Variants in ABCC12 observed in about 807,000 individuals in gnomAD.
ABCC12 encodes ATP-binding cassette sub-family C member 12.
ABCC12 carries 142 observed loss-of-function variants against 151.1 expected under a neutral mutation model. The observed-to-expected ratio is 0.94, with a 90% CI of 0.82 to 1.08. The LOEUF is 1.08. ABCC12 is among the 50% of genes least tolerant of loss of function. ABCC12 has a pLI of 0.00. For synonymous variants in ABCC12, 645 were observed against 646.4 expected (o/e 1.00, Z 0.03); for missense variants, 1,638 against 1,691.1 (o/e 0.97, Z 0.55).
At chr16:48,140,616 T>A in intron 6 of ABCC12, 71 bp downstream of exon 6, 1 of 1,424,806 alleles carries the variant, frequency 7.0e-7, no homozygotes, top group Non-Finnish European at 9.8e-7. Context: ...CCACTCAGGA[T>A]CCACATCTCA....
Position 48,121,835 on chromosome 16 carries a change from C to T in ABCC12, c.1593G>A (p.Gln531=). 1 of 1,614,176 alleles carries T rather than the reference C, an allele frequency of 6.2e-7. No homozygotes were observed. Among genetic ancestry groups the T allele is most frequent in the South Asian group, 1.1e-5 (1 of 91,066 alleles). ...SLLAALLGQM[Q]LQKGVVAVNG... ...TGACTGCCACCACCCCTTTCTGCAGCTGCATCTGGAACAACAAGACGGGAG... is the reference window on the plus strand; with the variant it reads ...TGACTGCCACCACCCCTTTCTGCAGTTGCATCTGGAACAACAAGACGGGAG... Residue 531 remains glutamine, a synonymous_variant, in exon 13 of 31, where the codon CAG becomes CAA. Coordinates refer to ENST00000311303, the MANE Select transcript of ABCC12 (RefSeq NM_001393797.1).
intron 25 of ABCC12, among the ~76,000 whole-genome samples, chr16:48,089,093 G>T (rs1962765222): frequency 1.3e-5 from 2 of 152,214 alleles, no homozygotes; most frequent in Admixed American, 6.5e-5. Flanking sequence ...AGAGAATCAA[G>T]TCCAGAGCCC....
intron 10 of ABCC12, among the ~76,000 whole-genome samples, chr16:48,130,095 G>A (rs1804969832): frequency 6.6e-6 from 1 of 152,242 alleles, no homozygotes; most frequent in Admixed American, 6.5e-5. Flanking sequence ...GGGTGAGTAA[G>A]ATCATTCAAT....
intron 19 of ABCC12, 140 bp from the exon 20 acceptor site, chr16:48,107,565 C>A: frequency 1.5e-6 from 1 of 672,660 alleles, no homozygotes; most frequent in Non-Finnish European, 2.6e-6. Flanking sequence ...ACCTGCTAGA[C>A]TGATGCAGCA....
In ABCC12 at chr16:48,084,021, A is replaced by C. The variant is rs1404075403; in HGVS notation, c.3881T>G (p.Leu1294Arg). The change falls in exon 30 of 31, where the codon CTG becomes CGG. Residue 1294 changes from leucine to arginine, a missense_variant. Physicochemically the swap from Leu to Arg is moderately radical, Grantham distance 102 (BLOSUM62 -2). Transcript: ENST00000311303. The stretch of plus-strand genomic sequence containing the variant: ...GGCATCTTTGATGGTGTTCTGAACC[A>C]GGGTGTCAGTCTTGGAGTCCATAGA... ...TASMDSKTDT[L>R]VQNTIKDAFK... 1 of 1,612,708 alleles carries C rather than the reference A, an allele frequency of 6.2e-7. No homozygotes were observed. The highest frequency in any genetic ancestry group is 1.1e-5 in the South Asian group (1 of 90,576).
Position 48,107,302 on chromosome 16 carries a change from A to G in ABCC12, c.2475+20T>C. On this transcript the variant is annotated intron_variant, in intron 20 of 30. Coordinates refer to ENST00000311303, the MANE Select transcript of ABCC12 (RefSeq NM_001393797.1). ...CCAAGACACAGACTCGGCATCTTCC[A>G]ATGCCAAAGGGAAACTCACCCGTGA... is the stretch of plus-strand genomic sequence containing the variant. 2 of 1,606,722 alleles carry G rather than the reference A, an allele frequency of 1.2e-6. No homozygotes were observed. The highest frequency in any genetic ancestry group is 1.3e-5 in the African/African-American group (1 of 74,860).
intron 24 of ABCC12, among the ~76,000 whole-genome samples, chr16:48,093,342 T>C (rs1397340491): frequency 6.6e-6 from 1 of 152,104 alleles, no homozygotes; most frequent in Admixed American, 6.5e-5. Flanking sequence ...TCCTCAAACA[T>C]GCCAGGATCA....
intron 7 of ABCC12, 119 bp downstream of exon 7, chr16:48,139,044 T>C (rs1964708642): frequency 8.5e-7 from 1 of 1,172,688 alleles, no homozygotes; most frequent in African/African-American, 1.5e-5. Context: ...GAAGTAAATC[T>C]GTGAGTACAA....
At chr16:48,098,321 T>G (rs1466752746) in intron 23 of ABCC12, among the ~76,000 whole-genome samples, 1 of 152,038 alleles carries the variant, frequency 6.6e-6, no homozygotes, top group African/African-American at 2.4e-5. Flanking sequence ...TAGAAACTAC[T>G]GGGGGAAAAA....
intron 2 of ABCC12, among the ~76,000 whole-genome samples, chr16:48,148,750 T>G (rs954621903): frequency 1.3e-5 from 2 of 151,674 alleles, no homozygotes; most frequent in African/African-American, 4.9e-5. Flanking sequence ...TCCTGCTTTT[T>G]AGTTTTTGTA....
Position 48,081,304 on chromosome 16 carries a change from T to C in ABCC12, c.*2411A>G, listed in dbSNP as rs928328561. ...CTACATAGTCTCCCCTTGGCTGACA[T>C]GGCAGTGATAGCAAGGGGTTGGGGT... On this transcript the variant is annotated 3_prime_UTR_variant, in exon 31 of 31. Transcript: ENST00000311303. Among the ~76,000 whole-genome samples the C allele has an allele frequency of 1.3e-5, 2 of 152,184 alleles. No homozygotes were observed. The highest frequency in any genetic ancestry group is 2.9e-5 in the Non-Finnish European group (2 of 68,030).
chr16:48,109,045 C>T (rs530861149), intron 18 of ABCC12, among the ~76,000 whole-genome samples: 27 of 152,124 alleles, frequency 1.8e-4, no homozygotes, highest in Non-Finnish European at 3.4e-4. Flanking sequence ...GAAGGCCGCT[C>T]CCTGGATGGG....
chr16:48,133,554 G>A, intron 9 of ABCC12, 133 bp downstream of exon 9: 3 of 873,584 alleles, frequency 3.4e-6, no homozygotes, highest in Non-Finnish European at 5.1e-6. Flanking sequence ...AGTTGGAGTT[G>A]AAGTCACATC....
At chr16:48,117,363 G>A in intron 13 of ABCC12, 30 bp from the exon 14 acceptor site, 1 of 1,610,226 alleles carries the variant, frequency 6.2e-7, no homozygotes, top group Non-Finnish European at 8.5e-7. Flanking sequence ...AAGTAGCTGG[G>A]TGAGAAAGAC....
At chr16:48,141,412 T>A in intron 4 of ABCC12, 59 bp from the exon 5 acceptor site, 1 of 1,595,376 alleles carries the variant, frequency 6.3e-7, no homozygotes, top group Admixed American at 1.7e-5. Flanking sequence ...TGTTTGAAGC[T>A]ACGCTGTTGG....
At chr16:48,106,732 G>A (rs2150609158) in intron 20 of ABCC12, among the ~76,000 whole-genome samples, 1 of 152,308 alleles carries the variant, frequency 6.6e-6, no homozygotes, top group East Asian at 1.9e-4. Flanking sequence ...CTCCAGGAAA[G>A]CTTTGAGACC....
Position 48,095,714 on chromosome 16 carries a change from A to G in ABCC12, c.3195+1032T>C, listed in dbSNP as rs555092868. ...TGACATGAATACAGTAAGAAAAAAA[A>G]AAAGAAAGAAAAAGAGGACATTGTC... On this transcript the variant is annotated intron_variant, in intron 24 of 30. Transcript: ENST00000311303. 3.3e-5 allele frequency among the ~76,000 whole-genome samples: 5 copies of G among 152,254 alleles called. No homozygotes were observed. In the East Asian group the frequency reaches 5.8e-4, roughly 18 times the overall value.
In ABCC12 at chr16:48,139,177, A is replaced by C; in HGVS notation, c.817T>G (p.Phe273Val). 1 of 1,604,578 alleles carries C rather than the reference A, an allele frequency of 6.2e-7. No individual in the cohort carries two copies. The change falls in exon 7 of 31, where the codon TTC becomes GTC. Residue 273 changes from phenylalanine to valine, a missense_variant. By Grantham distance (50) the Phe-to-Val change is conservative (BLOSUM62 -1). Transcript: ENST00000311303. The stretch of plus-strand genomic sequence containing the variant: ...CCTGCCGTTACCTGGACGGGTATGA[A>C]TATGACATACACTGATATCCCGATG... ...ALIGISVYVI[F>V]IPVQMFMAKL...
intron 22 of ABCC12, among the ~76,000 whole-genome samples, chr16:48,101,299 A>G (rs1463971970): frequency 6.6e-6 from 1 of 152,144 alleles, no homozygotes; most frequent in Non-Finnish European, 1.5e-5. Context: ...GTCTTCTAAA[A>G]CCAAAATTTC....
Sources: gnomAD v4.1 joint callset for allele counts (sites outside exome capture counted in the v4.1 genomes callset) on GRCh38, gnomAD v4.1.1 for gene constraint, MANE v1.5 for transcripts, NCBI Gene and HGNC (gene_info 2026-07-23, HGNC 2026-07-21) for gene names.